The following ATP10B variants were observed in gnomAD, a reference collection of about 807,000 sequenced individuals.
ATP10B encodes the protein phospholipid-transporting ATPase VB.
Under a neutral mutation model 141.2 loss-of-function variants are expected in ATP10B, and 122 were observed. The ratio of observed to expected loss-of-function variants is 0.86; its 90% CI spans 0.75 to 1.00. ATP10B has a LOEUF of 1.00. Ranked by LOEUF, ATP10B falls within the 50% of genes least tolerant of loss-of-function variation. ATP10B has a pLI of 0.00. For missense variants in ATP10B, 1,876 were observed against 1,825.3 expected, an observed-to-expected ratio of 1.03 and a Z score of -0.51; for synonymous variants, 685 against 692.0, an observed-to-expected ratio of 0.99 and a Z score of 0.16.
At chr5:160,849,618 T>TACACACACACACACACACACACACACAC (rs796968833) in intron 1 of ATP10B, among the ~76,000 whole-genome samples, 3 of 148,130 alleles carry the variant, frequency 2.0e-5, no homozygotes, top group African/African-American at 7.4e-5. Context: ...TACTGGCAAT[T>TACACACACACACACACACACACACACAC]ACACACACAC....
At chr5:160,900,499 G>A in the ATP10B span, among the ~76,000 whole-genome samples, 1 of 152,136 alleles carries the variant, frequency 6.6e-6, no homozygotes. Flanking sequence ...CAGAGTCTCA[G>A]CTCTTAACTT....
intron 6 of ATP10B, among the ~76,000 whole-genome samples, chr5:160,678,768 C>T (rs751154482): frequency 3.9e-5 from 6 of 152,166 alleles, no homozygotes; most frequent in South Asian, 2.1e-4. Flanking sequence ...GGGCTAGTAT[C>T]GGCCCCATTT....
At chr5:160,810,863 A>G (rs1561878340) in intron 1 of ATP10B, among the ~76,000 whole-genome samples, 1 of 151,958 alleles carries the variant, frequency 6.6e-6, no homozygotes, top group Non-Finnish European at 1.5e-5. Context: ...CTATGCCAAC[A>G]TTTTTTTCAG....
intron 24 of ATP10B, among the ~76,000 whole-genome samples, chr5:160,585,438 A>T (rs1351725381): frequency 6.6e-6 from 1 of 152,140 alleles, no homozygotes; most frequent in Non-Finnish European, 1.5e-5. Context: ...CCCTGTCTCT[A>T]CTAAAATTAC....
chr5:160,787,325 C>A (rs972300253), intron 1 of ATP10B, among the ~76,000 whole-genome samples: 2 of 152,092 alleles, frequency 1.3e-5, no homozygotes, highest in Non-Finnish European at 1.5e-5. Context: ...CTTCGTTCAC[C>A]GTATTTCCTG....
intron 2 of ATP10B, among the ~76,000 whole-genome samples, chr5:160,736,709 GA>G (rs1407786649): frequency 1.3e-5 from 2 of 152,100 alleles, no homozygotes; most frequent in African/African-American, 4.8e-5. Flanking sequence ...GCAGTGAGCC[GA>G]GATCGCGCCA....
the ATP10B span, among the ~76,000 whole-genome samples, chr5:160,868,521 TACACACACACACACACACACACACAC>T: frequency 1.5e-5 from 2 of 130,404 alleles, no homozygotes; most frequent in African/African-American, 2.9e-5. Context: ...TATGAACAGA[TACACACACACACACACACACACACAC>T]ACACACACAC....
Position 160,785,562 on chromosome 5 carries a change from A to C in ATP10B, c.-334T>G. 1.4e-6 allele frequency: 1 copy of C among 711,284 alleles called. No individual in the cohort carries two copies. The highest frequency in any genetic ancestry group is 2.2e-6 in the Non-Finnish European group (1 of 461,102). The allele number at this position is 711,284 out of a possible 1,614,324, so 44.1% of individuals were successfully genotyped here. ...GCCCAAGAAGTAAAGATAGTACCTG[A>C]TAGGTAGATTTCAAGTCTTGTTCCT... is the stretch of plus-strand genomic sequence containing the variant. On this transcript the variant is annotated 5_prime_UTR_variant, in exon 2 of 26. Transcript: ENST00000327245.
chr5:160,582,082 A>G (rs1333438592), intron 24 of ATP10B, among the ~76,000 whole-genome samples: 1 of 152,204 alleles, frequency 6.6e-6, no homozygotes, highest in African/African-American at 2.4e-5. Context: ...CAGCACACCA[A>G]TGGGTCTTGA....
chr5:160,760,655 G>C (rs777103037), intron 2 of ATP10B, among the ~76,000 whole-genome samples: 1 of 152,202 alleles, frequency 6.6e-6, no homozygotes, highest in Non-Finnish European at 1.5e-5. Flanking sequence ...CAGCTGCTTG[G>C]ATACAAACTT....
chr5:160,670,705 A>G, intron 6 of ATP10B, 38 bp from the exon 7 acceptor site: 3 of 1,576,874 alleles, frequency 1.9e-6, no homozygotes, highest in Non-Finnish European at 2.6e-6. Context: ...GTGAGCTTTA[A>G]GTTTCCTCAG....
the ATP10B span, among the ~76,000 whole-genome samples, chr5:160,859,740 G>A: frequency 6.0e-4 from 91 of 151,794 alleles, no homozygotes; most frequent in African/African-American, 2.1e-3. Flanking sequence ...CTGGTGACTG[G>A]TGACTAGATA....
chr5:160,903,341 T>TC, the ATP10B span, among the ~76,000 whole-genome samples: 1 of 152,016 alleles, frequency 6.6e-6, no homozygotes, highest in East Asian at 1.9e-4. Flanking sequence ...GCTTGAAGCC[T>TC]CCCCCATGCA....
intron 1 of ATP10B, among the ~76,000 whole-genome samples, chr5:160,786,321 C>G (rs1236221019): frequency 1.3e-5 from 2 of 152,038 alleles, no homozygotes; most frequent in Non-Finnish European, 2.9e-5. Flanking sequence ...TTATTTGGAC[C>G]CCCAGATTTA....
chr5:160,817,514 G>A (rs1773738316), intron 1 of ATP10B, among the ~76,000 whole-genome samples: 1 of 152,114 alleles, frequency 6.6e-6, no homozygotes. Context: ...CAAACAAATG[G>A]AAGAACATTC....
chr5:160,832,286 G>A (rs889305190), intron 1 of ATP10B, among the ~76,000 whole-genome samples: 1 of 152,220 alleles, frequency 6.6e-6, no homozygotes, highest in Admixed American at 6.5e-5. Flanking sequence ...AGTATTTGTA[G>A]TATTATGTAT....
chr5:160,820,474 T>C (rs1174869982), intron 1 of ATP10B, among the ~76,000 whole-genome samples: 1 of 152,096 alleles, frequency 6.6e-6, no homozygotes, highest in African/African-American at 2.4e-5. Context: ...AAAGAAGAAC[T>C]AGTATCAATC....
chr5:160,653,895 G>A (rs1279175025), intron 7 of ATP10B, among the ~76,000 whole-genome samples: 1 of 82,794 alleles, frequency 1.2e-5, no homozygotes, highest in Admixed American at 1.8e-4. Context: ...ATAAATATAT[G>A]TAGTATATAC....
intron 3 of ATP10B, among the ~76,000 whole-genome samples, chr5:160,715,477 G>A (rs1392128985): frequency 7.0e-5 from 10 of 142,398 alleles, no homozygotes; most frequent in East Asian, 4.1e-4. Flanking sequence ...TTCGGCTCGC[G>A]CACGGTGCGC....
Sources: allele counts gnomAD v4.1 joint callset (sites outside exome capture counted in the v4.1 genomes callset), GRCh38; gene constraint gnomAD v4.1.1; transcripts MANE v1.5; gene names NCBI Gene and HGNC (gene_info 2026-07-23, HGNC 2026-07-21).